DLGAP2: variants seen among roughly 807,000 people sequenced by gnomAD.
DLGAP2 encodes DLG associated protein 2, also known as disks large-associated protein 2.
A neutral mutation model predicts 100.3 loss-of-function variants in DLGAP2; 26 were observed. The observed-to-expected ratio is 0.26, with a 90% CI of 0.19 to 0.36. The LOEUF (loss-of-function observed/expected upper bound fraction) is 0.36. Ranked by LOEUF, DLGAP2 falls within the 10% of genes least tolerant of loss-of-function variation. The pLI is 1.00. For missense variants in DLGAP2, 1,858 were observed against 1,453.2 expected (o/e 1.28, Z -4.53); for synonymous variants, 886 against 630.1 (o/e 1.41, Z -6.08).
intron 2 of DLGAP2, among the ~76,000 whole-genome samples, chr8:1,008,222 T>C (rs2129019987): frequency 6.6e-6 from 1 of 152,366 alleles, no homozygotes; most frequent in African/African-American, 2.4e-5. Context: ...TCAGTAGTTA[T>C]TACGTAGAAC....
At chr8:863,520 C>G (rs73673025) in intron 1 of DLGAP2, among the ~76,000 whole-genome samples, 2 of 152,238 alleles carry the variant, frequency 1.3e-5, no homozygotes, top group East Asian at 3.8e-4. Context: ...TGGATATTAA[C>G]CGCTGTCAGA....
chr8:1,645,641 G>T (rs907689852), intron 8 of DLGAP2, among the ~76,000 whole-genome samples: 1 of 152,122 alleles, frequency 6.6e-6, no homozygotes, highest in Non-Finnish European at 1.5e-5. Flanking sequence ...ATTTGTGTTG[G>T]TTGATTATCC....
intron 1 of DLGAP2, among the ~76,000 whole-genome samples, chr8:874,804 G>A (rs558888620): frequency 2.0e-5 from 3 of 152,132 alleles, no homozygotes; most frequent in Admixed American, 6.5e-5. Context: ...ATCATTAAGA[G>A]TGTGGTATTA....
intron 3 of DLGAP2, among the ~76,000 whole-genome samples, chr8:1,426,875 T>C (rs1357689301): frequency 6.6e-6 from 1 of 150,462 alleles, no homozygotes; most frequent in East Asian, 1.9e-4. Context: ...CCTGAAAGAT[T>C]ACTCCAATGC....
At chr8:1,070,388 T>G (rs1204646599) in intron 2 of DLGAP2, among the ~76,000 whole-genome samples, 4 of 152,122 alleles carry the variant, frequency 2.6e-5, no homozygotes, top group Non-Finnish European at 4.4e-5. Context: ...ATAAATCTCG[T>G]GGTTCCTGAG....
At chr8:1,113,965 T>C (rs1805038434) in intron 2 of DLGAP2, among the ~76,000 whole-genome samples, 1 of 152,212 alleles carries the variant, frequency 6.6e-6, no homozygotes, top group Admixed American at 6.5e-5. Flanking sequence ...CATATGGTTT[T>C]TGTCTTTAGT....
intron 3 of DLGAP2, among the ~76,000 whole-genome samples, chr8:1,437,260 C>T (rs1563148064): frequency 6.6e-6 from 1 of 152,206 alleles, no homozygotes; most frequent in Non-Finnish European, 1.5e-5. Context: ...AAGGGTGACG[C>T]CATCCGGGTC....
intron 2 of DLGAP2, among the ~76,000 whole-genome samples, chr8:1,217,012 A>T (rs1266577879): frequency 1.3e-5 from 2 of 152,074 alleles, no homozygotes; most frequent in Non-Finnish European, 2.9e-5. Context: ...TGTTACATGG[A>T]TAAATTGCCT....
At chr8:1,214,560 C>G (rs1420078293) in intron 2 of DLGAP2, among the ~76,000 whole-genome samples, 1 of 152,190 alleles carries the variant, frequency 6.6e-6, no homozygotes, top group African/African-American at 2.4e-5. Flanking sequence ...GTGGAGTAAC[C>G]TTCTCACACG....
At chr8:1,605,483 C>G (rs1383073255) in intron 6 of DLGAP2, among the ~76,000 whole-genome samples, 1 of 152,144 alleles carries the variant, frequency 6.6e-6, no homozygotes, top group Non-Finnish European at 1.5e-5. Flanking sequence ...ATGCGTGAAT[C>G]CAGGGCTCTA....
chr8:1,467,346 C>T (rs575830610), intron 3 of DLGAP2, among the ~76,000 whole-genome samples: 2 of 152,038 alleles, frequency 1.3e-5, no homozygotes, highest in Admixed American at 6.6e-5. Context: ...CCCCATGTGA[C>T]TGTACTTCCC....
At chr8:1,665,630 T>C (rs1798524897) in intron 8 of DLGAP2, among the ~76,000 whole-genome samples, 1 of 152,208 alleles carries the variant, frequency 6.6e-6, no homozygotes, top group Non-Finnish European at 1.5e-5. Context: ...ACTCAAAACT[T>C]CTTCGGAATC....
chr8:783,714 T>C (rs988797447), intron 1 of DLGAP2, among the ~76,000 whole-genome samples: 14 of 151,972 alleles, frequency 9.2e-5, no homozygotes, highest in African/African-American at 3.4e-4. Flanking sequence ...AACTCACCCT[T>C]CCCCCTCTTA....
At chr8:1,213,044 T>G (rs952525129) in intron 2 of DLGAP2, among the ~76,000 whole-genome samples, 6 of 152,170 alleles carry the variant, frequency 3.9e-5, no homozygotes, top group African/African-American at 1.4e-4. Context: ...GATGAGAATT[T>G]GGGAGGCCAC....
intron 2 of DLGAP2, among the ~76,000 whole-genome samples, chr8:1,182,731 G>C (rs1797417080): frequency 6.6e-6 from 1 of 152,204 alleles, no homozygotes; most frequent in Non-Finnish European, 1.5e-5. Flanking sequence ...GAGACACGGA[G>C]CTCCAGCACA....
chr8:1,358,371 A>G (rs879705454), intron 3 of DLGAP2, among the ~76,000 whole-genome samples: 3 of 152,156 alleles, frequency 2.0e-5, no homozygotes, highest in Non-Finnish European at 4.4e-5. Context: ...GGACAACTCA[A>G]GAGATCTGGT....
At chr8:1,187,979 TG>T (rs1226198477) in intron 2 of DLGAP2, among the ~76,000 whole-genome samples, 2 of 67,426 alleles carry the variant, frequency 3.0e-5, no homozygotes, top group East Asian at 8.3e-4. Context: ...CTCAAACGCC[TG>T]GGACCTCTGT....
intron 2 of DLGAP2, among the ~76,000 whole-genome samples, chr8:1,009,229 C>G (rs911653659): frequency 1.3e-5 from 2 of 152,204 alleles, no homozygotes; most frequent in African/African-American, 4.8e-5. Flanking sequence ...ACTCTCCTTC[C>G]TCCCCTCCTT....
At chr8:1,467,874 C>A (rs1216447347) in intron 3 of DLGAP2, among the ~76,000 whole-genome samples, 2 of 150,770 alleles carry the variant, frequency 1.3e-5, no homozygotes, top group African/African-American at 2.5e-5. Context: ...TCCCAGATCC[C>A]CCCTGGTCAG....
Sources: gnomAD v4.1 joint callset for allele counts (sites outside exome capture counted in the v4.1 genomes callset) on GRCh38, gnomAD v4.1.1 for gene constraint, MANE v1.5 for transcripts, NCBI Gene and HGNC (gene_info 2026-07-23, HGNC 2026-07-21) for gene names.